The following SH3RF3 variants were observed in gnomAD, a reference collection of about 807,000 sequenced individuals.
SH3RF3 encodes the protein E3 ubiquitin-protein ligase SH3RF3.
A neutral mutation model predicts 66.3 loss-of-function variants in SH3RF3; 29 were observed. The ratio of observed to expected loss-of-function variants is 0.44; its 90% CI spans 0.33 to 0.60. The LOEUF is 0.60. SH3RF3 is among the 20% of genes least tolerant of loss of function. The pLI, the probability that SH3RF3 is intolerant of heterozygous loss-of-function variation, is 0.04. For missense variants in SH3RF3, 1,194 were observed against 1,190.9 expected, an observed-to-expected ratio of 1.00 and a Z score of -0.04; for synonymous variants, 583 against 532.0, an observed-to-expected ratio of 1.10 and a Z score of -1.32.
intron 1 of SH3RF3, among the ~76,000 whole-genome samples, chr2:109,249,509 C>CTTTCTTTCTTTCTT (rs774852951): frequency 1.5e-5 from 1 of 66,358 alleles, no homozygotes; most frequent in African/African-American, 5.6e-5. Flanking sequence ...TTCTTTCTTT[C>CTTTCTTTCTTTCTT]ATTCTTTCTT....
At chr2:109,140,386 CT>C (rs971337555) in intron 1 of SH3RF3, among the ~76,000 whole-genome samples, 85 of 144,728 alleles carry the variant, frequency 5.9e-4, no homozygotes, top group Admixed American at 7.6e-4. Context: ...AATTTCTTGC[CT>C]TTTTTTTTTT....
chr2:109,452,092 C>G (rs1677889465), intron 8 of SH3RF3, among the ~76,000 whole-genome samples: 1 of 152,216 alleles, frequency 6.6e-6, no homozygotes. Flanking sequence ...CATCTGTGTT[C>G]CCACTTGAAT....
At chr2:109,355,106 G>A (rs1682922134) in intron 2 of SH3RF3, among the ~76,000 whole-genome samples, 1 of 152,186 alleles carries the variant, frequency 6.6e-6, no homozygotes, top group Non-Finnish European at 1.5e-5. Flanking sequence ...TATGGTAACG[G>A]CATTTGGTGT....
rs189661741 is a variant in SH3RF3 at position 109,226,929 on chromosome 2, G to A, written c.573+96816G>A. ...GGCCCAGATAACCAAGGGTCCTGAGGTAGATGCATCCACCATGGCCGGGTT... is the reference window on the plus strand; with the variant it reads ...GGCCCAGATAACCAAGGGTCCTGAGATAGATGCATCCACCATGGCCGGGTT... On this transcript the variant is annotated intron_variant, in intron 1 of 9. Coordinates refer to ENST00000309415, the MANE Select transcript of SH3RF3 (RefSeq NM_001099289.3). 3.7e-3 allele frequency among the ~76,000 whole-genome samples: 565 copies of A among 152,276 alleles called. 3 individuals are homozygous for A. Among genetic ancestry groups the A allele is most frequent in the Non-Finnish European group, 5.4e-3 (364 of 68,012 alleles).
In SH3RF3 at chr2:109,223,723, G is replaced by A. The variant is rs932483403; in HGVS notation, c.573+93610G>A. ...CCAACGTGGAGATCCGGGATGTGTC[G>A]TTGTCTTTCCTTGCAGAGCCGTGGA... On this transcript the variant is annotated intron_variant, in intron 1 of 9. Transcript: ENST00000309415. Among the ~76,000 whole-genome samples the A allele has an allele frequency of 7.9e-5, 12 of 152,068 alleles. 1 individual carries two copies. Among genetic ancestry groups the A allele is most frequent in the East Asian group, 1.9e-4 (1 of 5,190 alleles).
At chr2:109,235,456 C>T (rs940346551) in intron 1 of SH3RF3, among the ~76,000 whole-genome samples, 1 of 152,136 alleles carries the variant, frequency 6.6e-6, no homozygotes, top group Non-Finnish European at 1.5e-5. Flanking sequence ...CTTTTGAGAG[C>T]AAGGGGCCCT....
At position 109,436,907 on chromosome 2, in the gene SH3RF3, G is replaced by A. The variant is rs1318805540; in HGVS notation, c.1589G>A (p.Gly530Glu). 1 of 1,613,448 alleles carries A rather than the reference G, an allele frequency of 6.2e-7. No individual in the cohort carries two copies. Among genetic ancestry groups the A allele is most frequent in the Non-Finnish European group, 8.5e-7 (1 of 1,179,842 alleles). The change falls in exon 7 of 10, where the codon GGG becomes GAG. Residue 530 changes from glycine (G) to glutamate (E), a missense_variant. By Grantham distance (98) the Gly-to-Glu change is moderately conservative. Coordinates refer to ENST00000309415, the MANE Select transcript of SH3RF3 (RefSeq NM_001099289.3). ...TCTCTCCACAGGGTGCCTGCAGGAG[G>A]GGCAGGGCCGCCCCGGAATAATGTA... The part of the protein sequence containing the change: ...VTPVSRVPAG[G>E]AGPPRNNVVG...
chr2:109,338,511 G>A (rs1682480588), intron 1 of SH3RF3, among the ~76,000 whole-genome samples: 1 of 151,964 alleles, frequency 6.6e-6, no homozygotes, highest in Admixed American at 6.6e-5. Context: ...GAACAATGCA[G>A]GAGTTAGGGC....
chr2:109,197,297 C>A (rs1392863305), intron 1 of SH3RF3, among the ~76,000 whole-genome samples: 1 of 152,142 alleles, frequency 6.6e-6, no homozygotes, highest in Non-Finnish European at 1.5e-5. Context: ...TGGCCTCATT[C>A]TGGGAGGGCT....
chr2:109,173,790 G>A (rs1446881491), intron 1 of SH3RF3, among the ~76,000 whole-genome samples: 1 of 152,194 alleles, frequency 6.6e-6, no homozygotes, highest in Non-Finnish European at 1.5e-5. Flanking sequence ...GCTCAGTGTC[G>A]GCCCCTGACC....
At chr2:109,142,298 G>T (rs990625303) in intron 1 of SH3RF3, among the ~76,000 whole-genome samples, 3 of 152,168 alleles carry the variant, frequency 2.0e-5, no homozygotes, top group African/African-American at 7.2e-5. Context: ...AGGAATAGGT[G>T]TTTACAGTCT....
intron 2 of SH3RF3, among the ~76,000 whole-genome samples, chr2:109,350,838 T>C (rs1218363212): frequency 6.6e-6 from 1 of 152,196 alleles, no homozygotes; most frequent in East Asian, 1.9e-4. Context: ...ATGTTTTTAT[T>C]CTTTGGATAT....
At chr2:109,434,972 G>C (rs1365157380) in intron 6 of SH3RF3, among the ~76,000 whole-genome samples, 2 of 152,198 alleles carry the variant, frequency 1.3e-5, no homozygotes, top group African/African-American at 2.4e-5. Flanking sequence ...GGAGCACTTA[G>C]AGTGGCCCGG....
At chr2:109,272,236 T>G (rs72939509) in intron 1 of SH3RF3, among the ~76,000 whole-genome samples, 3,060 of 152,346 alleles carry the variant, frequency 0.02, 93 homozygotes, top group African/African-American at 0.07. Context: ...GTAAGCTGCT[T>G]CTTGCTTGTC....
intron 1 of SH3RF3, among the ~76,000 whole-genome samples, chr2:109,316,856 G>A (rs1360950048): frequency 6.6e-6 from 1 of 152,212 alleles, no homozygotes; most frequent in African/African-American, 2.4e-5. Flanking sequence ...TACTGTCGCT[G>A]TAGTTCTGCG....
intron 1 of SH3RF3, among the ~76,000 whole-genome samples, chr2:109,239,375 C>G (rs939589885): frequency 1.3e-5 from 2 of 152,142 alleles, no homozygotes; most frequent in Admixed American, 1.3e-4. Context: ...TCATTTCTTT[C>G]TCCTCACACA....
intron 1 of SH3RF3, among the ~76,000 whole-genome samples, chr2:109,137,443 G>A (rs956213645): frequency 3.3e-5 from 5 of 152,234 alleles, no homozygotes; most frequent in African/African-American, 1.2e-4. Context: ...CAGATGCTCT[G>A]GAAGTGCCAC....
intron 8 of SH3RF3, among the ~76,000 whole-genome samples, chr2:109,477,179 G>A (rs1190134288): frequency 6.6e-6 from 1 of 152,168 alleles, no homozygotes; most frequent in Non-Finnish European, 1.5e-5. Context: ...GTTGGCCTAG[G>A]AGAACTGGAA....
chr2:109,217,342 G>C (rs572791335), intron 1 of SH3RF3, among the ~76,000 whole-genome samples: 22 of 152,110 alleles, frequency 1.4e-4, no homozygotes, highest in Non-Finnish European at 3.1e-4. Context: ...TACGTATTTG[G>C]AACTGCACTT....
Sources: allele counts gnomAD v4.1 joint callset (sites outside exome capture counted in the v4.1 genomes callset), GRCh38; gene constraint gnomAD v4.1.1; transcripts MANE v1.5; gene names NCBI Gene and HGNC (gene_info 2026-07-23, HGNC 2026-07-21).